The following CDH13 variants were observed in gnomAD, a reference collection of about 807,000 sequenced individuals.
CDH13 encodes the protein cadherin 13, also known as cadherin-13.
In CDH13, 24 loss-of-function variants were observed where a neutral mutation model predicts 63.8. The ratio of observed to expected loss-of-function variants is 0.38; its 90% CI spans 0.27 to 0.53. CDH13 has a LOEUF of 0.53. Among genes scored for constraint, CDH13 ranks in the 20% least tolerant of loss-of-function variants. CDH13 has a pLI of 0.85. For missense variants in CDH13, 1,049 were observed against 903.1 expected, an observed-to-expected ratio of 1.16 and a Z score of -2.07; for synonymous variants, 503 against 355.3, an observed-to-expected ratio of 1.42 and a Z score of -4.67.
At position 82,818,114 on chromosome 16, in the gene CDH13, T is replaced by TTGTGTG. The variant is rs5818411; in HGVS notation, c.46-40228_46-40223dup. 6.1e-3 allele frequency among the ~76,000 whole-genome samples: 911 copies of TTGTGTG among 149,352 alleles called. 6 individuals are homozygous for TTGTGTG. Among genetic ancestry groups the TTGTGTG allele is most frequent in the African/African-American group, 0.017 (705 of 40,768 alleles). Reference sequence around the variant, plus strand: ...AATGTATTCACTCATACATGTATGGTTGTGTGTGTGTGTGTGTGTGTGTGT... The same window carrying TTGTGTG: ...AATGTATTCACTCATACATGTATGGTTGTGTGTGTGTGTGTGTGTGTGTGTGTGTGT... On this transcript the variant is annotated intron_variant, in intron 1 of 13. Transcript: ENST00000567109.
At chr16:83,523,269 G>A (rs544198454) in intron 7 of CDH13, among the ~76,000 whole-genome samples, 1 of 152,196 alleles carries the variant, frequency 6.6e-6, no homozygotes, top group Non-Finnish European at 1.5e-5. Context: ...GTCCATAATA[G>A]GTGCTCAGCT....
chr16:82,652,085 C>T (rs540169149), intron 1 of CDH13, among the ~76,000 whole-genome samples: 1 of 152,224 alleles, frequency 6.6e-6, no homozygotes, highest in Non-Finnish European at 1.5e-5. Context: ...CCTACCACAG[C>T]TATGAAAGCA....
chr16:83,458,559 A>T (rs12716737), intron 6 of CDH13, among the ~76,000 whole-genome samples: 79,101 of 152,078 alleles, frequency 0.52, 21,095 homozygotes, highest in East Asian at 0.82. Flanking sequence ...ACTACAAAAA[A>T]TCTTGTGGTC....
At chr16:83,643,757 A>G (rs1008559584) in intron 8 of CDH13, among the ~76,000 whole-genome samples, 13 of 152,182 alleles carry the variant, frequency 8.5e-5, no homozygotes, top group African/African-American at 2.9e-4. Context: ...ACCAAATAGA[A>G]TGAATGAGAC....
chr16:83,473,680 A>T (rs2073525020), intron 6 of CDH13, among the ~76,000 whole-genome samples: 1 of 152,148 alleles, frequency 6.6e-6, no homozygotes, highest in South Asian at 2.1e-4. Context: ...CTGTAGGGAG[A>T]ATTCTGGAAA....
chr16:83,471,076 C>T (rs1460023118), intron 6 of CDH13, among the ~76,000 whole-genome samples: 1 of 152,098 alleles, frequency 6.6e-6, no homozygotes, highest in African/African-American at 2.4e-5. Context: ...GTTCACATCT[C>T]CTTCTCTGAC....
intron 5 of CDH13, among the ~76,000 whole-genome samples, chr16:83,341,260 G>A (rs1444731601): frequency 6.6e-6 from 1 of 152,200 alleles, no homozygotes; most frequent in Non-Finnish European, 1.5e-5. Context: ...CAATTAGGAA[G>A]AAAGAAGGCA....
intron 2 of CDH13, among the ~76,000 whole-genome samples, chr16:82,979,183 A>G (rs1234438985): frequency 6.6e-6 from 1 of 152,132 alleles, no homozygotes; most frequent in East Asian, 1.9e-4. Flanking sequence ...CTGTACCCCC[A>G]TTGTGTCTGG....
intron 5 of CDH13, among the ~76,000 whole-genome samples, chr16:83,310,986 C>T (rs528820561): frequency 6.6e-6 from 1 of 152,276 alleles, no homozygotes; most frequent in Admixed American, 6.5e-5. Flanking sequence ...CAAAGTACTC[C>T]CACATAAAGG....
At chr16:83,794,882 G>T in intron 13 of CDH13, 141 bp from the exon 14 acceptor site, 1 of 715,012 alleles carries the variant, frequency 1.4e-6, no homozygotes. Flanking sequence ...GATCCTTAAG[G>T]AAAAAAAAAA....
At chr16:83,613,550 A>G (rs1393607869) in intron 8 of CDH13, among the ~76,000 whole-genome samples, 1 of 152,174 alleles carries the variant, frequency 6.6e-6, no homozygotes, top group Admixed American at 6.6e-5. Flanking sequence ...AATTACACTC[A>G]GGCCAGGCAC....
chr16:83,572,656 C>A (rs115555890), intron 7 of CDH13, among the ~76,000 whole-genome samples: 1 of 152,278 alleles, frequency 6.6e-6, no homozygotes, highest in African/African-American at 2.4e-5. Context: ...GATGTTATTC[C>A]TGGCCACTTC....
intron 2 of CDH13, among the ~76,000 whole-genome samples, chr16:82,901,684 A>G (rs1355055556): frequency 6.6e-6 from 1 of 152,204 alleles, no homozygotes; most frequent in African/African-American, 2.4e-5. Context: ...TAACTGATAA[A>G]CACTTACAGG....
At chr16:83,654,884 C>T (rs76993584) in intron 8 of CDH13, 1 of 152,232 alleles carries the variant, frequency 6.6e-6, no homozygotes, top group Non-Finnish European at 1.5e-5. Flanking sequence ...AAAACTGTGG[C>T]TCCAGGTACT....
chr16:83,401,858 C>A (rs990776041), intron 6 of CDH13, among the ~76,000 whole-genome samples: 1 of 152,158 alleles, frequency 6.6e-6, no homozygotes, highest in Non-Finnish European at 1.5e-5. Flanking sequence ...GAACCTAGCT[C>A]TTTGTATAAA....
intron 6 of CDH13, among the ~76,000 whole-genome samples, chr16:83,463,211 C>G (rs1171712284): frequency 6.6e-6 from 1 of 152,176 alleles, no homozygotes; most frequent in Non-Finnish European, 1.5e-5. Context: ...GGGACCAAGG[C>G]CCAGGCGTCA....
chr16:83,217,365 A>T lies in CDH13; in HGVS notation c.504A>T (p.Pro168=). 5 of 1,613,978 alleles carry T rather than the reference A, an allele frequency of 3.1e-6. No homozygotes were observed. The highest frequency in any genetic ancestry group is 4.2e-6 in the Non-Finnish European group (5 of 1,179,864). ...ACTAGGTAGTCGATAGTGACAGGCCAGAAAGGTCCAAGTTCCGGCTCACTG... is the reference window on the plus strand; with the variant it reads ...ACTAGGTAGTCGATAGTGACAGGCCTGAAAGGTCCAAGTTCCGGCTCACTG... The part of the protein sequence containing the change: ...DVGKVVDSDR[P]ERSKFRLTGK... Residue 168 remains proline (P), a synonymous_variant, in exon 5 of 14, where the codon CCA becomes CCT. Transcript: ENST00000567109.
intron 3 of CDH13, among the ~76,000 whole-genome samples, chr16:83,040,451 C>T (rs1245044205): frequency 6.6e-6 from 1 of 152,070 alleles, no homozygotes; most frequent in Non-Finnish European, 1.5e-5. Flanking sequence ...GGCCGAAGGC[C>T]CCAGAGCTTC....
intron 6 of CDH13, among the ~76,000 whole-genome samples, chr16:83,448,736 A>C (rs2072786798): frequency 6.6e-6 from 1 of 152,180 alleles, no homozygotes; most frequent in South Asian, 2.1e-4. Flanking sequence ...AAGACAGCCC[A>C]GCTGGGGAAG....
Sources: allele counts gnomAD v4.1 joint callset (sites outside exome capture counted in the v4.1 genomes callset), GRCh38; gene constraint gnomAD v4.1.1; transcripts MANE v1.5; gene names NCBI Gene and HGNC (gene_info 2026-07-23, HGNC 2026-07-21).